Variants in CACNA2D1 observed in about 807,000 individuals in gnomAD.
CACNA2D1 encodes the protein voltage-dependent calcium channel subunit alpha-2/delta-1.
Under a neutral mutation model 171.5 loss-of-function variants are expected in CACNA2D1, and 53 were observed. The ratio of observed to expected loss-of-function variants is 0.31; its 90% CI spans 0.25 to 0.39. The LOEUF is 0.39. Among genes scored for constraint, CACNA2D1 ranks in the 10% least tolerant of loss-of-function variants. The probability of loss-of-function intolerance (pLI) is 1.00; values close to 1 mark genes in which losing one functional copy is unlikely to be tolerated. For missense variants in CACNA2D1, 903 were observed against 1,299.8 expected (o/e 0.69, Z 4.69); for synonymous variants, 442 against 443.1 (o/e 1.00, Z 0.03).
At chr7:82,285,605 G>A (rs1210302014) in intron 3 of CACNA2D1, among the ~76,000 whole-genome samples, 1 of 152,070 alleles carries the variant, frequency 6.6e-6, no homozygotes, top group Admixed American at 6.6e-5. Context: ...ACATTGGCTG[G>A]ATCCACTATG....
intron 3 of CACNA2D1, among the ~76,000 whole-genome samples, chr7:82,305,342 A>G (rs1018470140): frequency 6.6e-6 from 1 of 152,228 alleles, no homozygotes; most frequent in African/African-American, 2.4e-5. Flanking sequence ...ACATATTTTG[A>G]TATGGCTATT....
chr7:82,151,567 TA>T (rs1447812728), intron 4 of CACNA2D1, among the ~76,000 whole-genome samples: 3 of 152,064 alleles, frequency 2.0e-5, no homozygotes, highest in African/African-American at 4.8e-5. Flanking sequence ...GGTTTTTAAA[TA>T]AGAAATTGAG....
chr7:82,261,259 C>G (rs1172285605), intron 3 of CACNA2D1, among the ~76,000 whole-genome samples: 4 of 152,008 alleles, frequency 2.6e-5, no homozygotes, highest in Non-Finnish European at 4.4e-5. Context: ...CCGGCCTGGA[C>G]CACTTTTTAT....
chr7:82,314,611 C>T (rs892806434), intron 3 of CACNA2D1, among the ~76,000 whole-genome samples: 9 of 152,156 alleles, frequency 5.9e-5, no homozygotes, highest in African/African-American at 2.2e-4. Context: ...TTGCATGCCA[C>T]CTTTTCTATT....
intron 1 of CACNA2D1, among the ~76,000 whole-genome samples, chr7:82,371,706 C>T (rs937729274): frequency 6.6e-6 from 1 of 152,114 alleles, no homozygotes; most frequent in Non-Finnish European, 1.5e-5. Context: ...TCCCGAGTAG[C>T]TGGGACTATA....
intron 1 of CACNA2D1, among the ~76,000 whole-genome samples, chr7:82,358,201 C>A (rs1169782932): frequency 1.3e-5 from 2 of 152,172 alleles, no homozygotes; most frequent in African/African-American, 2.4e-5. Flanking sequence ...CAAACTGTTC[C>A]TATTTTTGTT....
chr7:82,284,169 G>A (rs1349396203), intron 3 of CACNA2D1, among the ~76,000 whole-genome samples: 3 of 146,900 alleles, frequency 2.0e-5, no homozygotes, highest in African/African-American at 7.6e-5. Flanking sequence ...TCCAGCCTGG[G>A]CAACATAAGA....
At chr7:82,258,291 C>T (rs1056947260) in intron 3 of CACNA2D1, among the ~76,000 whole-genome samples, 4 of 151,584 alleles carry the variant, frequency 2.6e-5, no homozygotes, top group Non-Finnish European at 4.4e-5. Flanking sequence ...ACTCCTTTCT[C>T]CTCAGACAGA....
At chr7:82,390,120 T>C (rs1824925753) in intron 1 of CACNA2D1, among the ~76,000 whole-genome samples, 1 of 152,140 alleles carries the variant, frequency 6.6e-6, no homozygotes, top group Non-Finnish European at 1.5e-5. Context: ...TGTGGCTCAT[T>C]TGAATGACAA....
At chr7:82,126,678 C>T (rs1188534412) in intron 5 of CACNA2D1, among the ~76,000 whole-genome samples, 1 of 152,192 alleles carries the variant, frequency 6.6e-6, no homozygotes, top group Non-Finnish European at 1.5e-5. Flanking sequence ...AGGAAACCAA[C>T]CATCAGGCCT....
chr7:81,985,033 G>T (rs1796809143), intron 21 of CACNA2D1, among the ~76,000 whole-genome samples: 1 of 151,714 alleles, frequency 6.6e-6, no homozygotes, highest in Admixed American at 6.6e-5. Context: ...AAATTACTTT[G>T]AATTTTAACA....
chr7:81,954,236 A>C (rs1241446028), intron 38 of CACNA2D1, among the ~76,000 whole-genome samples: 1 of 152,126 alleles, frequency 6.6e-6, no homozygotes, highest in Non-Finnish European at 1.5e-5. Context: ...TGATTATTTA[A>C]GTAGAAAATA....
Position 82,063,229 on chromosome 7 carries a change from T to C in CACNA2D1, c.779+1075A>G, listed in dbSNP as rs565256011. Among the ~76,000 whole-genome samples, 104 of 152,302 alleles carry C rather than the reference T, an allele frequency of 6.8e-4. 1 individual carries two copies. Among genetic ancestry groups the C allele is most frequent in the Non-Finnish European group, 1.4e-3 (93 of 68,018 alleles). ...ATGACATTATTTCTGGATATTATTA[T>C]ACATCCAACAGGATTATAATATATT... On this transcript the variant is annotated intron_variant, in intron 9 of 38. Transcript: ENST00000356860.
chr7:82,235,818 C>T (rs146950469), intron 3 of CACNA2D1, among the ~76,000 whole-genome samples: 1 of 152,008 alleles, frequency 6.6e-6, no homozygotes, highest in East Asian at 1.9e-4. Flanking sequence ...CTGGACAATA[C>T]AGAAGAGGAC....
At chr7:82,038,288 A>G in intron 10 of CACNA2D1, 53 bp from the exon 11 acceptor site, 3 of 1,492,606 alleles carry the variant, frequency 2.0e-6, no homozygotes, top group Non-Finnish European at 2.8e-6. Flanking sequence ...TCAACCATAT[A>G]GTTTTCATAG....
chr7:82,023,476 T>C (rs1265468075), intron 12 of CACNA2D1, among the ~76,000 whole-genome samples: 2 of 151,808 alleles, frequency 1.3e-5, no homozygotes. Flanking sequence ...CTACCTGGAT[T>C]GCTCTGAAAG....
At chr7:82,009,859 A>G (rs1192360142) in intron 15 of CACNA2D1, among the ~76,000 whole-genome samples, 2 of 152,124 alleles carry the variant, frequency 1.3e-5, no homozygotes, top group African/African-American at 4.8e-5. Context: ...AATTTTAAAA[A>G]TATTTTCTAG....
chr7:82,417,086 G>T (rs1828248922), intron 1 of CACNA2D1, among the ~76,000 whole-genome samples: 1 of 152,134 alleles, frequency 6.6e-6, no homozygotes. Flanking sequence ...ATGTATAGAA[G>T]TTGATAAATA....
intron 1 of CACNA2D1, among the ~76,000 whole-genome samples, chr7:82,393,111 C>CAGGCAGGA (rs1563483495): frequency 1.2e-5 from 1 of 86,876 alleles, no homozygotes; most frequent in Non-Finnish European, 2.1e-5. Flanking sequence ...GGCAGGCAGG[C>CAGGCAGGA]AGGGAGGGAG....
Sources: gnomAD v4.1 joint callset for allele counts (sites outside exome capture counted in the v4.1 genomes callset) on GRCh38, gnomAD v4.1.1 for gene constraint, MANE v1.5 for transcripts, NCBI Gene and HGNC (gene_info 2026-07-23, HGNC 2026-07-21) for gene names.